Variants in ITGA6 observed in about 807,000 individuals in gnomAD.
The protein encoded by ITGA6 is integrin alpha-6.
ITGA6 carries 63 observed loss-of-function variants against 133.6 expected under a neutral mutation model. That is an observed-to-expected ratio of 0.47 (90% CI 0.38 to 0.58). ITGA6 has a LOEUF of 0.58. Among genes scored for constraint, ITGA6 ranks in the 20% least tolerant of loss-of-function variants. The pLI is 0.00. For missense variants in ITGA6, 1,068 were observed against 1,309.4 expected (o/e 0.82, Z 2.85); for synonymous variants, 434 against 482.0 (o/e 0.90, Z 1.30).
intron 1 of ITGA6, among the ~76,000 whole-genome samples, chr2:172,460,250 A>G (rs942306744): frequency 1.4e-4 from 21 of 147,208 alleles, no homozygotes; most frequent in African/African-American, 4.7e-4. Flanking sequence ...GTAAGTGGTA[A>G]TAGGTCCTGT....
intron 24 of ITGA6, among the ~76,000 whole-genome samples, chr2:172,501,290 A>C (rs1460265165): frequency 6.6e-6 from 1 of 152,214 alleles, no homozygotes; most frequent in Non-Finnish European, 1.5e-5. Context: ...CATTTGTTCC[A>C]TAAAATTTAC....
intron 23 of ITGA6, among the ~76,000 whole-genome samples, chr2:172,497,714 T>G (rs1225575831): frequency 6.6e-6 from 1 of 152,190 alleles, no homozygotes; most frequent in Non-Finnish European, 1.5e-5. Flanking sequence ...AACAAATTTT[T>G]TTTAAGATAC....
At chr2:172,448,954 G>T (rs1684875329) in intron 1 of ITGA6, among the ~76,000 whole-genome samples, 1 of 152,228 alleles carries the variant, frequency 6.6e-6, no homozygotes, top group African/African-American at 2.4e-5. Context: ...GGGTCTTGAA[G>T]GCAAAATCGT....
chr2:172,499,161 T>C (rs1435805032), intron 24 of ITGA6, among the ~76,000 whole-genome samples: 5 of 152,202 alleles, frequency 3.3e-5, no homozygotes, highest in Non-Finnish European at 7.3e-5. Context: ...CATCTGTTTT[T>C]GCTTTATTTT....
chr2:172,432,741 A>T (rs1364808302), intron 1 of ITGA6, among the ~76,000 whole-genome samples: 2 of 152,210 alleles, frequency 1.3e-5, no homozygotes, highest in African/African-American at 4.8e-5. Context: ...TTTAGAACCT[A>T]ACCCCAGAAA....
At position 172,453,044 on chromosome 2, in the gene ITGA6, C is replaced by T. The variant is rs116777609; in HGVS notation, c.183-12495C>T. Among the ~76,000 whole-genome samples, 506 of 152,256 alleles carry T rather than the reference C, an allele frequency of 3.3e-3. 4 individuals carry two copies. Among genetic ancestry groups the T allele is most frequent in the African/African-American group, 0.012 (489 of 41,544 alleles). ...GGCCCCGTCACAGCATAGGGCAGAG[C>T]AGTCACTTAGCAAGGAGCTCAGGAA... On this transcript the variant is annotated intron_variant, in intron 1 of 25. Transcript: ENST00000684293.
At chr2:172,454,132 G>A (rs1427699820) in intron 1 of ITGA6, among the ~76,000 whole-genome samples, 1 of 150,494 alleles carries the variant, frequency 6.6e-6, no homozygotes, top group African/African-American at 2.5e-5. Context: ...TGCCCAGGCT[G>A]GAGTGCGGTG....
intron 1 of ITGA6, among the ~76,000 whole-genome samples, chr2:172,442,076 G>C (rs935473339): frequency 2.0e-5 from 3 of 152,138 alleles, no homozygotes; most frequent in Admixed American, 1.3e-4. Flanking sequence ...AACTAGGCTC[G>C]GATTTGCCTG....
chr2:172,457,530 T>C (rs1262788061), intron 1 of ITGA6, among the ~76,000 whole-genome samples: 1 of 152,172 alleles, frequency 6.6e-6, no homozygotes, highest in African/African-American at 2.4e-5. Context: ...TAAATGAATG[T>C]TTAGTATGTG....
intron 20 of ITGA6, among the ~76,000 whole-genome samples, chr2:172,490,247 C>T (rs1686863406): frequency 6.6e-6 from 1 of 152,198 alleles, no homozygotes; most frequent in Non-Finnish European, 1.5e-5. Context: ...AAGTAACTCT[C>T]TCAGTCACTC....
At chr2:172,441,559 TAAAAA>T (rs57828626) in intron 1 of ITGA6, among the ~76,000 whole-genome samples, 74 of 48,848 alleles carry the variant, frequency 1.5e-3, no homozygotes, top group African/African-American at 3.6e-3. Context: ...GCTGTCTCTT[TAAAAA>T]AAAAAAAAAA....
intron 1 of ITGA6, among the ~76,000 whole-genome samples, chr2:172,432,600 CTG>C (rs1193659348): frequency 7.2e-5 from 11 of 152,210 alleles, no homozygotes; most frequent in Non-Finnish European, 1.6e-4. Flanking sequence ...GAAACGGAAT[CTG>C]TAAGCTTAGC....
In ITGA6 at chr2:172,487,106, A is replaced by G; in HGVS notation, c.1938A>G (p.Glu646=). Residue 646 remains glutamate (E), a synonymous_variant, in exon 14 of 26, where the codon GAA becomes GAG. Transcript: ENST00000684293. ...LKLEYKFCTR[E]GNQDKFSYLP... is the part of the protein sequence containing the mutation. ...TAGAATATAAATTTTGCACCCGAGA[A>G]GGAAATCAAGACAAATTTTCTTATT... The G allele has an allele frequency of 6.2e-7, 1 of 1,610,796 alleles. No homozygotes were observed. The highest frequency in any genetic ancestry group is 1.1e-5 in the South Asian group (1 of 91,002).
rs1332878589 is a variant in ITGA6, at chr2:172,474,139, G to C, written c.860G>C (p.Gly287Ala). Reference protein sequence around the residue: ...VSGAPRANHSGAVVLLKRDMK... With the variant: ...VSGAPRANHSAAVVLLKRDMK... ...GGTGCTCCCAGAGCCAATCACAGTG[G>C]AGCCGTGGTTTTGCTGAAGAGAGAC... The change falls in exon 6 of 26, where the codon GGA (glycine) becomes GCA (alanine). Residue 287 changes from glycine to alanine, a missense_variant. By Grantham distance (60) the Gly-to-Ala change is moderately conservative. Around this residue, in one of 3 missense-constraint regions of ITGA6, gnomAD observed 317 missense variants for 456.9 expected, o/e 0.69. Transcript: ENST00000684293. The C allele has an allele frequency of 6.2e-7, 1 of 1,614,000 alleles. No homozygotes were observed.
intron 23 of ITGA6, among the ~76,000 whole-genome samples, chr2:172,496,981 A>G (rs1451089232): frequency 6.6e-6 from 1 of 152,210 alleles, no homozygotes; most frequent in Non-Finnish European, 1.5e-5. Context: ...TCCAGGGTCT[A>G]GTTTGTTCAT....
At chr2:172,456,744 T>TG (rs1407599411) in intron 1 of ITGA6, among the ~76,000 whole-genome samples, 4 of 152,224 alleles carry the variant, frequency 2.6e-5, no homozygotes, top group Admixed American at 2.0e-4. Context: ...AGCTCTCTGA[T>TG]GTAGGGGTCT....
intron 9 of ITGA6, among the ~76,000 whole-genome samples, chr2:172,478,853 G>T (rs1380094425): frequency 6.6e-6 from 1 of 152,182 alleles, no homozygotes; most frequent in Non-Finnish European, 1.5e-5. Flanking sequence ...TTTGTACAAT[G>T]GAGACTCCCA....
rs139342334 is a variant in ITGA6, at chr2:172,465,790, C to T, written c.307+127C>T. The T allele has an allele frequency of 1.3e-4, 163 of 1,301,660 alleles. No homozygotes were observed. In the African/African-American group the frequency reaches 2.2e-3, roughly 18 times the overall value. The allele number at this position is 1,301,660 out of a possible 1,614,324, so 80.6% of individuals were successfully genotyped here. ...CTTCTTTTAATTGCATCAGACTTGA[C>T]TGTTTTTTATTTGCCCTGAAAATAT... On this transcript the variant is annotated intron_variant, in intron 2 of 25. Coordinates refer to ENST00000684293, the MANE Select transcript of ITGA6 (RefSeq NM_000210.4).
At chr2:172,484,731 C>T (rs1686590565) in intron 11 of ITGA6, 51 bp from the exon 12 acceptor site, 3 of 1,462,884 alleles carry the variant, frequency 2.1e-6, no homozygotes, top group Non-Finnish European at 2.9e-6. Context: ...ATGCTTGTGG[C>T]TGGATTGTGC....
Sources: allele counts gnomAD v4.1 joint callset (sites outside exome capture counted in the v4.1 genomes callset), GRCh38; gene constraint gnomAD v4.1.1; regional missense constraint gnomAD v4.1.1; transcripts MANE v1.5; gene names NCBI Gene and HGNC (gene_info 2026-07-23, HGNC 2026-07-21).